RIN2: variants seen among roughly 807,000 people sequenced by gnomAD.
The protein encoded by RIN2 is RAB5 interacting protein 2.
Under a neutral mutation model 78.0 loss-of-function variants are expected in RIN2, and 36 were observed. That is an observed-to-expected ratio of 0.46 (90% CI 0.35 to 0.61). The LOEUF (loss-of-function observed/expected upper bound fraction) is 0.61, where lower values mean the gene tolerates loss of function less well. Ranked by LOEUF, RIN2 falls within the 20% of genes least tolerant of loss-of-function variation. The pLI is 0.00. For synonymous variants in RIN2, 466 were observed against 466.8 expected (o/e 1.00, Z 0.02); for missense variants, 1,087 against 1,159.7 (o/e 0.94, Z 0.91).
At chr20:19,899,982 A>G (rs1405663636) in intron 3 of RIN2, among the ~76,000 whole-genome samples, 1 of 152,142 alleles carries the variant, frequency 6.6e-6, no homozygotes, top group African/African-American at 2.4e-5. Context: ...CCAAACAGAA[A>G]TAAAATGAGT....
At chr20:19,933,065 A>G (rs1329724857) in intron 3 of RIN2, among the ~76,000 whole-genome samples, 2 of 151,926 alleles carry the variant, frequency 1.3e-5, no homozygotes, top group East Asian at 3.9e-4. Context: ...CACCACTACC[A>G]CCTCGGTCCA....
chr20:19,994,966 C>T (rs879301542), intron 11 of RIN2, among the ~76,000 whole-genome samples: 35 of 151,926 alleles, frequency 2.3e-4, no homozygotes, highest in Admixed American at 5.9e-4. Flanking sequence ...GATTATGCCG[C>T]GGGAAAAAAT....
At chr20:20,000,066 G>T (rs1271005531) in intron 12 of RIN2, among the ~76,000 whole-genome samples, 2 of 152,188 alleles carry the variant, frequency 1.3e-5, no homozygotes, top group African/African-American at 2.4e-5. Context: ...ACAGTGGCAT[G>T]CACCTGTACA....
chr20:20,000,838 C>A lies in RIN2; in HGVS notation c.2590C>A (p.Pro864Thr). The A allele has an allele frequency of 6.2e-7, 1 of 1,613,996 alleles. No homozygotes were observed. The highest frequency in any genetic ancestry group is 8.5e-7 in the Non-Finnish European group (1 of 1,179,884). ...QKIKAELHSRPQPHIFHFVYK... is the reference protein window; with the variant it reads ...QKIKAELHSRTQPHIFHFVYK... ...AATCAAGGCGGAGCTGCACAGCCGA[C>A]CACAGCCCCACATCTTCCACTTTGT... Residue 864 changes from proline (P) to threonine (T), a missense_variant, in exon 13 of 13, where the codon CCA becomes ACA. Physicochemically the swap from Pro to Thr is conservative, Grantham distance 38. Around this residue, in one of 8 missense-constraint regions of RIN2, gnomAD observed 160 missense variants for 179.4 expected, o/e 0.89. Coordinates refer to ENST00000255006, the MANE Select transcript of RIN2 (RefSeq NM_018993.4).
At chr20:19,821,670 C>T (rs187535633) in intron 2 of RIN2, among the ~76,000 whole-genome samples, 11 of 152,180 alleles carry the variant, frequency 7.2e-5, no homozygotes, top group Non-Finnish European at 7.4e-5. Context: ...CTCTCTCTCT[C>T]TCTCTCTGCC....
chr20:19,998,899 C>T (rs2043054632), intron 12 of RIN2, among the ~76,000 whole-genome samples: 1 of 152,132 alleles, frequency 6.6e-6, no homozygotes, highest in Non-Finnish European at 1.5e-5. Context: ...GCCAACACAC[C>T]CTCCTCCACC....
Position 19,954,732 on chromosome 20 carries a change from CCCTCACCCCT to C in RIN2, c.159-1882_159-1873del, listed in dbSNP as rs570490149. ...ACCCCTGTGTCCCTCACCCCTGTGC[CCCTCACCCCT>C]GTGTCCCTGACCTGACTTGGTACCC... On this transcript the variant is annotated intron_variant, in intron 4 of 12. Coordinates refer to ENST00000255006, the MANE Select transcript of RIN2 (RefSeq NM_018993.4). Among the ~76,000 whole-genome samples, 50 of 151,898 alleles carry C rather than the reference CCCTCACCCCT, an allele frequency of 3.3e-4. No individual in the cohort carries two copies. In the South Asian group the frequency reaches 8.9e-3, roughly 27 times the overall value.
chr20:19,819,605 G>T (rs925926816), intron 2 of RIN2, among the ~76,000 whole-genome samples: 1 of 152,154 alleles, frequency 6.6e-6, no homozygotes. Flanking sequence ...GCACAATCAC[G>T]GCTCACTGTA....
chr20:19,962,278 CG>C (rs2146264659), intron 6 of RIN2, among the ~76,000 whole-genome samples: 1 of 151,014 alleles, frequency 6.6e-6, no homozygotes, highest in East Asian at 2.0e-4. Flanking sequence ...AGAGCCAGAC[CG>C]TGTCTTAAAA....
rs559479484 is a variant in RIN2 at position 19,823,441 on chromosome 20, T to C, written c.-37+23694T>C. ...GATCCTTTATTGAAATATTTTCCTT[T>C]GTGCTTAACTAGCTGGGCATTCTAC... On this transcript the variant is annotated intron_variant, in intron 2 of 12. Coordinates refer to ENST00000255006, the MANE Select transcript of RIN2 (RefSeq NM_018993.4). 21 of 742,602 alleles carry C rather than the reference T, an allele frequency of 2.8e-5. No homozygotes were observed. The East Asian group carries it at 5.1e-4, about 18-fold the overall frequency. The allele number at this position is 742,602 out of a possible 1,614,324, so 46.0% of individuals were successfully genotyped here. A position where few individuals can be genotyped will look rare whatever the true frequency, so the allele number is the denominator to read the frequency against.
At position 20,001,243 on chromosome 20, in the gene RIN2, A is replaced by G. The variant is rs1402181692; in HGVS notation, c.*307A>G. The G allele has an allele frequency of 1.7e-5, 5 of 296,102 alleles. No individual in the cohort carries two copies. Among genetic ancestry groups the G allele is most frequent in the Non-Finnish European group, 2.5e-5 (4 of 158,022 alleles). The allele number at this position is 296,102 out of a possible 1,614,324, so 18.3% of individuals were successfully genotyped here. The stretch of plus-strand genomic sequence containing the variant: ...GGCTTACAGGTATGTATATGTGCAG[A>G]AGAAACACTTAAGATACAAGTTCTT... On this transcript the variant is annotated 3_prime_UTR_variant, in exon 13 of 13. Transcript: ENST00000255006.
At chr20:19,958,198 C>T (rs187013152) in intron 5 of RIN2, among the ~76,000 whole-genome samples, 2 of 152,232 alleles carry the variant, frequency 1.3e-5, no homozygotes, top group African/African-American at 2.4e-5. Flanking sequence ...CTCAGGGGAA[C>T]AAGGCACGGT....
intron 2 of RIN2, among the ~76,000 whole-genome samples, chr20:19,836,028 G>C (rs572243552): frequency 6.6e-6 from 1 of 152,230 alleles, no homozygotes; most frequent in East Asian, 1.9e-4. Context: ...CTGGTATTCC[G>C]GGCTACCAGA....
At chr20:19,759,061 C>T (rs1264255029) in intron 1 of RIN2, among the ~76,000 whole-genome samples, 2 of 152,232 alleles carry the variant, frequency 1.3e-5, no homozygotes, top group African/African-American at 4.8e-5. Context: ...GCTTGGCCTC[C>T]ACCCTTGGCC....
At chr20:19,843,874 G>A (rs1307843992) in intron 2 of RIN2, among the ~76,000 whole-genome samples, 1 of 152,096 alleles carries the variant, frequency 6.6e-6, no homozygotes, top group Non-Finnish European at 1.5e-5. Context: ...TCCTCAAAAT[G>A]ATTTCAAATA....
intron 2 of RIN2, among the ~76,000 whole-genome samples, chr20:19,886,999 C>T (rs1261145912): frequency 6.6e-6 from 1 of 151,840 alleles, no homozygotes; most frequent in African/African-American, 2.4e-5. Context: ...AGATCTTAAA[C>T]CAGAACTCTT....
intron 3 of RIN2, among the ~76,000 whole-genome samples, chr20:19,916,519 T>C (rs531156434): frequency 7.2e-5 from 11 of 152,330 alleles, no homozygotes; most frequent in African/African-American, 2.6e-4. Context: ...CTCAGGAGGC[T>C]GAGTTGAGAG....
chr20:19,872,308 A>G (rs1350638909), intron 2 of RIN2: 2 of 152,144 alleles, frequency 1.3e-5, no homozygotes, highest in Non-Finnish European at 2.9e-5. Flanking sequence ...AGTTCTGTAT[A>G]ATAGTGTGAG....
intron 2 of RIN2, among the ~76,000 whole-genome samples, chr20:19,800,984 C>T (rs1001516622): frequency 6.6e-6 from 1 of 152,222 alleles, no homozygotes; most frequent in Admixed American, 6.5e-5. Context: ...CACATTCTTT[C>T]TGGGCTGGGA....
Sources: allele counts gnomAD v4.1 joint callset (sites outside exome capture counted in the v4.1 genomes callset), GRCh38; gene constraint gnomAD v4.1.1; regional missense constraint gnomAD v4.1.1; transcripts MANE v1.5; gene names NCBI Gene and HGNC (gene_info 2026-07-23, HGNC 2026-07-21).